NTN1: variants seen among roughly 807,000 people sequenced by gnomAD.
The protein encoded by NTN1 is netrin-1.
A neutral mutation model predicts 54.2 loss-of-function variants in NTN1; 11 were observed. The ratio of observed to expected loss-of-function variants is 0.20; its 90% CI spans 0.13 to 0.34. NTN1 has a LOEUF of 0.34. Ranked by LOEUF, NTN1 falls within the 10% of genes least tolerant of loss-of-function variation. The probability of loss-of-function intolerance (pLI) is 1.00; values close to 1 mark genes in which losing one functional copy is unlikely to be tolerated. For synonymous variants in NTN1, 371 were observed against 382.0 expected, an observed-to-expected ratio of 0.97 and a Z score of 0.33; for missense variants, 740 against 893.1, an observed-to-expected ratio of 0.83 and a Z score of 2.18.
chr17:9,224,141 T>G (rs1043868513), intron 6 of NTN1, among the ~76,000 whole-genome samples: 1 of 152,176 alleles, frequency 6.6e-6, no homozygotes, highest in Non-Finnish European at 1.5e-5. Context: ...TGACTCAACC[T>G]GGTTTTCTTG....
At chr17:9,091,781 A>G (rs2092111696) in intron 2 of NTN1, among the ~76,000 whole-genome samples, 1 of 151,898 alleles carries the variant, frequency 6.6e-6, no homozygotes, top group Non-Finnish European at 1.5e-5. Flanking sequence ...TGTACAGTTC[A>G]GTGGCATGAA....
chr17:9,070,475 C>A (rs1219003158), intron 2 of NTN1, among the ~76,000 whole-genome samples: 1 of 152,126 alleles, frequency 6.6e-6, no homozygotes, highest in African/African-American at 2.4e-5. Flanking sequence ...TGAGCCTAAA[C>A]CCCCGAGACT....
rs777725695 is a variant in NTN1, at chr17:9,182,940, C to T, written c.1382C>T (p.Thr461Ile). ...CIKIPVAPPT[T>I]AASSVEEPED... is the part of the protein sequence containing the mutation. Reference sequence around the variant, plus strand: ...GAGATCCCTGTAGCGCCGCCGACGACTGCAGCCAGCAGCGTGGAGGAGCCT... The same window carrying T: ...GAGATCCCTGTAGCGCCGCCGACGATTGCAGCCAGCAGCGTGGAGGAGCCT... Residue 461 changes from threonine to isoleucine, a missense_variant, in exon 5 of 7, where the codon ACT becomes ATT. Transcript: ENST00000173229. 43 of 1,613,958 alleles carry T rather than the reference C, an allele frequency of 2.7e-5. No individual in the cohort carries two copies. In the South Asian group the frequency reaches 4.1e-4, roughly 15 times the overall value.
intron 2 of NTN1, among the ~76,000 whole-genome samples, chr17:9,131,458 T>C (rs917585089): frequency 2.0e-5 from 3 of 152,212 alleles, no homozygotes; most frequent in African/African-American, 7.2e-5. Flanking sequence ...ATGAATGAAG[T>C]GCATCCTATG....
chr17:9,200,337 A>T (rs1904747402), intron 5 of NTN1, among the ~76,000 whole-genome samples: 1 of 152,182 alleles, frequency 6.6e-6, no homozygotes, highest in African/African-American at 2.4e-5. Flanking sequence ...GTGGGAGCAG[A>T]TACCAATGAA....
chr17:9,004,563 G>A, the NTN1 span, among the ~76,000 whole-genome samples: 1 of 152,220 alleles, frequency 6.6e-6, no homozygotes, highest in Admixed American at 6.5e-5. Flanking sequence ...CCTTCCTGTT[G>A]CGGCACCCCC....
At chr17:9,080,802 G>A (rs944212980) in intron 2 of NTN1, among the ~76,000 whole-genome samples, 2 of 152,244 alleles carry the variant, frequency 1.3e-5, no homozygotes, top group Non-Finnish European at 2.9e-5. Flanking sequence ...TAAAAACTCA[G>A]AAGGACAGCG....
Position 9,239,707 on chromosome 17 carries a change from C to T in NTN1, c.1554C>T (p.Ile518=). The change falls in exon 7 of 7, where the codon ATC becomes ATT. Residue 518 remains isoleucine (I), a synonymous_variant. Transcript: ENST00000173229. The surrounding 1 kb of genome is among the most constrained non-coding windows in gnomAD (Gnocchi z 5.2). Reference sequence around the variant, plus strand: ...GGTGGAAGTTCACGGTGAACATCATCTCCGTGTATAAGCAGGGCACGAGCC... The same window carrying T: ...GGTGGAAGTTCACGGTGAACATCATTTCCGTGTATAAGCAGGGCACGAGCC... The part of the protein sequence containing the change: ...GDWWKFTVNI[I]SVYKQGTSRI... 6.2e-7 allele frequency: 1 copy of T among 1,613,654 alleles called. No individual in the cohort carries two copies. Among genetic ancestry groups the T allele is most frequent in the Admixed American group, 1.7e-5 (1 of 60,022 alleles).
rs1906221194 is a variant in NTN1, at chr17:9,241,724, AGT to A, written c.*1761_*1762del. 1 of 152,302 alleles carries A rather than the reference AGT, an allele frequency of 6.6e-6. No homozygotes were observed. The highest frequency in any genetic ancestry group is 2.4e-5 in the African/African-American group (1 of 41,466). The allele number at this position is 152,302 out of a possible 1,614,324, so 9.4% of individuals were successfully genotyped here. On this transcript the variant is annotated 3_prime_UTR_variant, in exon 7 of 7. Coordinates refer to ENST00000173229, the MANE Select transcript of NTN1 (RefSeq NM_004822.3). ...CCAGGCACTTTACCCACATGCTCCCAGTGTGTACTCATGACAACCCTGTGGGA... is the reference window on the plus strand; with the variant it reads ...CCAGGCACTTTACCCACATGCTCCCAGTGTACTCATGACAACCCTGTGGGA...
At chr17:9,226,224 G>A (rs1277624984) in intron 6 of NTN1, among the ~76,000 whole-genome samples, 4 of 151,986 alleles carry the variant, frequency 2.6e-5, no homozygotes, top group Middle Eastern at 3.4e-3. Flanking sequence ...CCCCAGGACC[G>A]AAGGGAGCGC....
rs60927166 is a variant in NTN1 at position 9,222,866 on chromosome 17, A to C, written c.1486+1624A>C. ...ATCTAAAGGAATCTGGAGAACTTCT[A>C]AAATGTTCTCGTTTATTGTGTGTGT... is the stretch of plus-strand genomic sequence containing the variant. On this transcript the variant is annotated intron_variant, in intron 6 of 6. Transcript: ENST00000173229. Among the ~76,000 whole-genome samples the C allele has an allele frequency of 8.5e-3, 1,292 of 152,186 alleles. 19 individuals carry two copies. The highest frequency in any genetic ancestry group is 0.029 in the African/African-American group (1,212 of 41,456).
At chr17:9,149,124 T>A (rs2092320877) in intron 2 of NTN1, among the ~76,000 whole-genome samples, 1 of 152,040 alleles carries the variant, frequency 6.6e-6, no homozygotes, top group Non-Finnish European at 1.5e-5. Flanking sequence ...CCATTACAGA[T>A]GGGAAATGAC....
intron 6 of NTN1, among the ~76,000 whole-genome samples, chr17:9,236,562 C>T (rs1478713318): frequency 6.6e-6 from 1 of 152,184 alleles, no homozygotes; most frequent in African/African-American, 2.4e-5. Flanking sequence ...TGGCCTTTTT[C>T]CAGCATAATC....
intron 5 of NTN1, among the ~76,000 whole-genome samples, chr17:9,220,373 C>G (rs1453023424): frequency 6.6e-6 from 1 of 152,230 alleles, no homozygotes; most frequent in Admixed American, 6.5e-5. Context: ...AGCTGTCACA[C>G]ACAGACTTGG....
intron 2 of NTN1, among the ~76,000 whole-genome samples, chr17:9,115,733 AAACG>A (rs1402173329): frequency 1.3e-5 from 2 of 152,334 alleles, no homozygotes; most frequent in East Asian, 3.9e-4. Flanking sequence ...CCCCAGAGAC[AAACG>A]AACGGATGGG....
At chr17:9,106,390 G>A (rs1597489498) in intron 2 of NTN1, among the ~76,000 whole-genome samples, 2 of 152,154 alleles carry the variant, frequency 1.3e-5, no homozygotes, top group Non-Finnish European at 1.5e-5. Flanking sequence ...CACACGGAAC[G>A]GAATATCCTA....
At chr17:9,004,714 C>A in the NTN1 span, among the ~76,000 whole-genome samples, 1 of 152,242 alleles carries the variant, frequency 6.6e-6, no homozygotes, top group South Asian at 2.1e-4. Context: ...GCTCCAGACT[C>A]TGGATTTTCC....
chr17:9,102,542 A>G (rs11867314), intron 2 of NTN1, among the ~76,000 whole-genome samples: 124,352 of 152,174 alleles, frequency 0.82, 51,129 homozygotes, highest in East Asian at 0.96. Flanking sequence ...ATTTGAGTGT[A>G]GACACAGCCA....
intron 5 of NTN1, among the ~76,000 whole-genome samples, chr17:9,203,095 T>G (rs947026104): frequency 3.4e-4 from 52 of 151,970 alleles, no homozygotes; most frequent in Non-Finnish European, 6.3e-4. Context: ...CTAATTTTTT[T>G]TATTTTTACT....
Sources: gnomAD v4.1 joint callset for allele counts (sites outside exome capture counted in the v4.1 genomes callset) on GRCh38, gnomAD v4.1.1 for gene constraint, Gnocchi (gnomAD v3.1) non-coding constraint, MANE v1.5 for transcripts, NCBI Gene and HGNC (gene_info 2026-07-23, HGNC 2026-07-21) for gene names.